The following NET1 variants were observed in gnomAD, a reference collection of about 807,000 sequenced individuals.
The protein encoded by NET1 is neuroepithelial cell-transforming gene 1 protein.
A neutral mutation model predicts 61.1 loss-of-function variants in NET1; 42 were observed. That is an observed-to-expected ratio of 0.69 (90% confidence interval 0.54 to 0.89). The LOEUF is 0.89. NET1 is among the 40% of genes least tolerant of loss of function. The pLI is 0.00. For synonymous variants in NET1, 254 were observed against 281.8 expected (o/e 0.90, Z 0.99); for missense variants, 654 against 747.3 (o/e 0.88, Z 1.46).
In NET1 at chr10:5,437,707, C is replaced by T. The variant is rs557221169; in HGVS notation, c.255+8478C>T. Among the ~76,000 whole-genome samples, 18 of 151,370 alleles carry T rather than the reference C, an allele frequency of 1.2e-4. No homozygotes were observed. The highest frequency in any genetic ancestry group is 2.2e-4 in the Non-Finnish European group (15 of 67,904). On this transcript the variant is annotated intron_variant, in intron 3 of 11. Coordinates refer to ENST00000355029, the MANE Select transcript of NET1 (RefSeq NM_001047160.3). This position sits in a 1 kb window ranked among gnomAD's most constrained non-coding sequence, Gnocchi z 4.3. Reference sequence around the variant, plus strand: ...CCAACTATTGGGATAGATAACCTGACAGGAAATCAATAAGGAAGTAGAAGA... The same window carrying T: ...CCAACTATTGGGATAGATAACCTGATAGGAAATCAATAAGGAAGTAGAAGA...
rs1312312453 is a variant in NET1, at chr10:5,444,022, G to A, written c.256-7808G>A. ...ATGAAGCTAACTGAACCAGACTGCTGGGGTCTAGCCTAGGCTGTTCATATT... is the reference window on the plus strand; with the variant it reads ...ATGAAGCTAACTGAACCAGACTGCTAGGGTCTAGCCTAGGCTGTTCATATT... On this transcript the variant is annotated intron_variant, in intron 3 of 11. Coordinates refer to ENST00000355029, the MANE Select transcript of NET1 (RefSeq NM_001047160.3). The surrounding 1 kb of genome is among the most constrained non-coding windows in gnomAD (Gnocchi z 5.3). Among the ~76,000 whole-genome samples, 1 of 152,198 alleles carries A rather than the reference G, an allele frequency of 6.6e-6. No homozygotes were observed. Among genetic ancestry groups the A allele is most frequent in the East Asian group, 1.9e-4 (1 of 5,200 alleles).
In NET1 at chr10:5,453,697, C is replaced by A; in HGVS notation, c.768+137C>A. 3 of 663,756 alleles carry A rather than the reference C, an allele frequency of 4.5e-6. No individual in the cohort carries two copies. Among genetic ancestry groups the A allele is most frequent in the Non-Finnish European group, 7.9e-6 (3 of 381,968 alleles). 41.1% of individuals were successfully genotyped at this position (663,756 alleles called of 1,614,324 possible). On this transcript the variant is annotated intron_variant, in intron 8 of 11. Transcript: ENST00000355029. The surrounding 1 kb of genome is among the most constrained non-coding windows in gnomAD (Gnocchi z 4.9). ...AAGGCGTTAAAACTGAACAAATTTA[C>A]AGTGACATAAGAAGTTACAGTCTGT...
At position 5,415,254 on chromosome 10, in the gene NET1, T is replaced by C. The variant is rs9423613; in HGVS notation, c.128+2434T>C. Among the ~76,000 whole-genome samples, 147,704 of 152,262 alleles carry C rather than the reference T, an allele frequency of 0.97. 71,754 individuals are homozygous for C. The highest frequency in any genetic ancestry group is 1 in the Non-Finnish European group (67,983 of 68,032). The stretch of plus-strand genomic sequence containing the variant: ...TACAGTACAATTTACCCACTTAAAT[T>C]GTACTACTTAGAACATTTTCATCAC... On this transcript the variant is annotated intron_variant, in intron 1 of 11. Transcript: ENST00000355029. The surrounding 1 kb of genome is among the most constrained non-coding windows in gnomAD (Gnocchi z 4.7).
In NET1 at chr10:5,426,712, C is replaced by T; in HGVS notation, c.186C>T (p.Asp62=). The part of the protein sequence containing the change: ...FTFLTPGPNW[D]FTLKRKRREK... Reference sequence around the variant, plus strand: ...TCTTAACACCTGGCCCCAACTGGGACTTCACTTTGGTGAGTAGATACCTGG... The same window carrying T: ...TCTTAACACCTGGCCCCAACTGGGATTTCACTTTGGTGAGTAGATACCTGG... Residue 62 remains aspartate, a synonymous_variant, in exon 2 of 12, where the codon GAC becomes GAT. Transcript: ENST00000355029. The surrounding 1 kb of genome is among the most constrained non-coding windows in gnomAD (Gnocchi z 4.6). 1 of 1,602,394 alleles carries T rather than the reference C, an allele frequency of 6.2e-7. No individual in the cohort carries two copies. The highest frequency in any genetic ancestry group is 8.5e-7 in the Non-Finnish European group (1 of 1,175,356).
At position 5,456,552 on chromosome 10, in the gene NET1, C is replaced by G; in HGVS notation, c.1385-36C>G. On this transcript the variant is annotated intron_variant, in intron 11 of 11. Coordinates refer to ENST00000355029, the MANE Select transcript of NET1 (RefSeq NM_001047160.3). The surrounding 1 kb of genome is among the most constrained non-coding windows in gnomAD (Gnocchi z 7.0). Reference sequence around the variant, plus strand: ...TTGTCTAGAATAAACCTTTTTTTAGCCTGATTTCTTTTTTTTTTCCAATTT... The same window carrying G: ...TTGTCTAGAATAAACCTTTTTTTAGGCTGATTTCTTTTTTTTTTCCAATTT... 1 of 1,505,874 alleles carries G rather than the reference C, an allele frequency of 6.6e-7. No homozygotes were observed. Among genetic ancestry groups the G allele is most frequent in the Non-Finnish European group, 8.9e-7 (1 of 1,125,498 alleles). 93.3% of individuals were successfully genotyped at this position (1,505,874 alleles called of 1,614,324 possible). A position where few individuals can be genotyped will look rare whatever the true frequency, so the allele number is the denominator to read the frequency against.
At position 5,451,425 on chromosome 10, in the gene NET1, G is replaced by A. The variant is rs1832699889; in HGVS notation, c.256-405G>A. Among the ~76,000 whole-genome samples, 1 of 151,802 alleles carries A rather than the reference G, an allele frequency of 6.6e-6. No homozygotes were observed. On this transcript the variant is annotated intron_variant, in intron 3 of 11. Coordinates refer to ENST00000355029, the MANE Select transcript of NET1 (RefSeq NM_001047160.3). The surrounding 1 kb of genome is among the most constrained non-coding windows in gnomAD (Gnocchi z 6.1). ...AATTGTTATACCAGACACTGTGGAG[G>A]CCCCTCGATAGACACATGGGATCCA...
At chr10:5,425,659 C>T (rs1425253318) in intron 1 of NET1, among the ~76,000 whole-genome samples, 1 of 152,176 alleles carries the variant, frequency 6.6e-6, no homozygotes, top group African/African-American at 2.4e-5. Flanking sequence ...TCAGGCCATA[C>T]CTGAGCCTTC....
chr10:5,423,604 T>G lies in NET1; in HGVS notation c.129-3051T>G, dbSNP rs1240688557. ...GTAATTATTTGGATATATAGAAAAA[T>G]ACATTGGATATATGGACAAAAATTC... On this transcript the variant is annotated intron_variant, in intron 1 of 11. Transcript: ENST00000355029. The surrounding 1 kb of genome is among the most constrained non-coding windows in gnomAD (Gnocchi z 4.4). Among the ~76,000 whole-genome samples, 2 of 152,196 alleles carry G rather than the reference T, an allele frequency of 1.3e-5. No homozygotes were observed. The highest frequency in any genetic ancestry group is 4.8e-5 in the African/African-American group (2 of 41,458).
chr10:5,456,247 G>C lies in NET1; in HGVS notation c.1358G>C (p.Arg453Pro). The C allele has an allele frequency of 6.2e-7, 1 of 1,612,742 alleles. No homozygotes were observed. Among genetic ancestry groups the C allele is most frequent in the South Asian group, 1.1e-5 (1 of 90,670 alleles). Residue 453 changes from arginine (R) to proline (P), a missense_variant, in exon 11 of 12, where the codon CGA (arginine) becomes CCA (proline). Arg to Pro is a moderately radical substitution (Grantham distance 103). Transcript: ENST00000355029. This position sits in a 1 kb window ranked among gnomAD's most constrained non-coding sequence, Gnocchi z 7.0. ...GATGTGAGAATGGGAGGCTCCTTTC[G>C]AGGAGCTTTCAGTAACTCAGAGAAA... ...DGDVRMGGSF[R>P]GAFSNSEKAK... is the part of the protein sequence containing the mutation.
In NET1 at chr10:5,457,050, G is replaced by A; in HGVS notation, c.*56G>A. The A allele has an allele frequency of 6.7e-7, 1 of 1,483,422 alleles. No homozygotes were observed. Among genetic ancestry groups the A allele is most frequent in the Non-Finnish European group, 9.0e-7 (1 of 1,115,628 alleles). 91.9% of individuals were successfully genotyped at this position (1,483,422 alleles called of 1,614,324 possible). On this transcript the variant is annotated 3_prime_UTR_variant, in exon 12 of 12. Coordinates refer to ENST00000355029, the MANE Select transcript of NET1 (RefSeq NM_001047160.3). This position sits in a 1 kb window ranked among gnomAD's most constrained non-coding sequence, Gnocchi z 5.4. ...GACTGTTTGTTTATAAATGTGTACA[G>A]TTTTGTTTTCTCGTAAGGGGAGCAT...
Position 5,456,476 on chromosome 10 carries a change from C to A in NET1, c.1385-112C>A, listed in dbSNP as rs747955094. 25 of 1,158,724 alleles carry A rather than the reference C, an allele frequency of 2.2e-5. No individual in the cohort carries two copies. The highest frequency in any genetic ancestry group is 3.0e-5 in the Non-Finnish European group (25 of 827,194). 71.8% of individuals were successfully genotyped at this position (1,158,724 alleles called of 1,614,324 possible). On this transcript the variant is annotated intron_variant, in intron 11 of 11. Transcript: ENST00000355029. This position sits in a 1 kb window ranked among gnomAD's most constrained non-coding sequence, Gnocchi z 7.0. ...CATAGGCTTAATGTATTCACATTGACATAAATAAATTGCCATAAATTGACA... is the reference window on the plus strand; with the variant it reads ...CATAGGCTTAATGTATTCACATTGAAATAAATAAATTGCCATAAATTGACA...
chr10:5,423,244 A>C lies in NET1; in HGVS notation c.129-3411A>C, dbSNP rs1325392507. 1.3e-5 allele frequency among the ~76,000 whole-genome samples: 2 copies of C among 152,182 alleles called. No homozygotes were observed. The highest frequency in any genetic ancestry group is 4.8e-5 in the African/African-American group (2 of 41,450). Reference sequence around the variant, plus strand: ...TTTCCTGTTGGTAATAGTAATTTTCAATACGTTTTTTGAAAATATTTATAA... The same window carrying C: ...TTTCCTGTTGGTAATAGTAATTTTCCATACGTTTTTTGAAAATATTTATAA... On this transcript the variant is annotated intron_variant, in intron 1 of 11. Transcript: ENST00000355029. This position sits in a 1 kb window ranked among gnomAD's most constrained non-coding sequence, Gnocchi z 4.4.
chr10:5,442,381 GAT>G (rs2119198595), intron 3 of NET1, among the ~76,000 whole-genome samples: 1 of 152,152 alleles, frequency 6.6e-6, no homozygotes, highest in Non-Finnish European at 1.5e-5. Flanking sequence ...AAAAAGTAAT[GAT>G]TATTCCTAAG....
chr10:5,454,832 C>T lies in NET1; in HGVS notation c.1027-116C>T. On this transcript the variant is annotated intron_variant, in intron 9 of 11. Transcript: ENST00000355029. The surrounding 1 kb of genome is among the most constrained non-coding windows in gnomAD (Gnocchi z 8.1). Reference sequence around the variant, plus strand: ...ACAGACTGGCAGAATTAACTGATTTCTAGAGTCCCTTCAAGCTTTAAAGTT... The same window carrying T: ...ACAGACTGGCAGAATTAACTGATTTTTAGAGTCCCTTCAAGCTTTAAAGTT... 2 of 972,532 alleles carry T rather than the reference C, an allele frequency of 2.1e-6. No homozygotes were observed. Among genetic ancestry groups the T allele is most frequent in the Non-Finnish European group, 3.1e-6 (2 of 651,026 alleles). The allele number at this position is 972,532 out of a possible 1,614,324, so 60.2% of individuals were successfully genotyped here. A position where few individuals can be genotyped will look rare whatever the true frequency, so the allele number is the denominator to read the frequency against.
rs1320935881 is a variant in NET1 at position 5,437,774 on chromosome 10, G to C, written c.255+8545G>C. On this transcript the variant is annotated intron_variant, in intron 3 of 11. Transcript: ENST00000355029. The surrounding 1 kb of genome is among the most constrained non-coding windows in gnomAD (Gnocchi z 4.3). Reference sequence around the variant, plus strand: ...ACCAAATGGACCTAACAGACATACAGAGCCCTTCACCCAACAACAGTAGAT... The same window carrying C: ...ACCAAATGGACCTAACAGACATACACAGCCCTTCACCCAACAACAGTAGAT... Among the ~76,000 whole-genome samples, 2 of 151,856 alleles carry C rather than the reference G, an allele frequency of 1.3e-5. No individual in the cohort carries two copies. Among genetic ancestry groups the C allele is most frequent in the African/African-American group, 4.8e-5 (2 of 41,312 alleles).
In NET1 at chr10:5,416,473, G is replaced by A. The variant is rs980910377; in HGVS notation, c.128+3653G>A. On this transcript the variant is annotated intron_variant, in intron 1 of 11. Coordinates refer to ENST00000355029, the MANE Select transcript of NET1 (RefSeq NM_001047160.3). The surrounding 1 kb of genome is among the most constrained non-coding windows in gnomAD (Gnocchi z 6.1). ...TCTGATAGAGATTGCATTAAATCTT[G>A]TAGATCATTTTCAGGAGTATTGCCC... is the stretch of plus-strand genomic sequence containing the variant. Among the ~76,000 whole-genome samples the A allele has an allele frequency of 3.3e-5, 5 of 152,162 alleles. No homozygotes were observed. Among genetic ancestry groups the A allele is most frequent in the Admixed American group, 1.3e-4 (2 of 15,278 alleles).
intron 1 of NET1, among the ~76,000 whole-genome samples, chr10:5,414,428 C>T (rs545893456): frequency 6.6e-6 from 1 of 152,170 alleles, no homozygotes; most frequent in Non-Finnish European, 1.5e-5. Context: ...GAAAACTATT[C>T]CCCAAAAATG....
In NET1 at chr10:5,440,198, C is replaced by T. The variant is rs1184536616; in HGVS notation, c.255+10969C>T. ...ATGATGTTCTGTGAAATATCCGGTC[C>T]TTGCCGACTTTGTGACAGAAAACAA... On this transcript the variant is annotated intron_variant, in intron 3 of 11. Coordinates refer to ENST00000355029, the MANE Select transcript of NET1 (RefSeq NM_001047160.3). The surrounding 1 kb of genome is among the most constrained non-coding windows in gnomAD (Gnocchi z 4.1). 6.6e-6 allele frequency among the ~76,000 whole-genome samples: 1 copy of T among 152,182 alleles called. No homozygotes were observed. Among genetic ancestry groups the T allele is most frequent in the African/African-American group, 2.4e-5 (1 of 41,430 alleles).
chr10:5,420,687 C>T lies in NET1; in HGVS notation c.129-5968C>T, dbSNP rs1231849756. ...CTCGGCTCACTGTAGCCTCCGACTC[C>T]CTGGTTCAAGTGATCCTCCTTCCTC... is the stretch of plus-strand genomic sequence containing the variant. On this transcript the variant is annotated intron_variant, in intron 1 of 11. Transcript: ENST00000355029. This position sits in a 1 kb window ranked among gnomAD's most constrained non-coding sequence, Gnocchi z 5.3. 6.6e-6 allele frequency among the ~76,000 whole-genome samples: 1 copy of T among 152,056 alleles called. No individual in the cohort carries two copies. The highest frequency in any genetic ancestry group is 1.5e-5 in the Non-Finnish European group (1 of 68,004).
Sources: allele counts gnomAD v4.1 joint callset (sites outside exome capture counted in the v4.1 genomes callset), GRCh38; gene constraint gnomAD v4.1.1; non-coding constraint Gnocchi (gnomAD v3.1); transcripts MANE v1.5; gene names NCBI Gene and HGNC (gene_info 2026-07-23, HGNC 2026-07-21).